MAD1L1: variants seen among roughly 807,000 people sequenced by gnomAD.
MAD1L1 encodes mitotic spindle assembly checkpoint protein MAD1.
A neutral mutation model predicts 96.9 loss-of-function variants in MAD1L1; 95 were observed. The ratio of observed to expected loss-of-function variants is 0.98; its 90% CI spans 0.83 to 1.16. MAD1L1 has a LOEUF of 1.16. Ranked by LOEUF, MAD1L1 falls within the 50% of genes most tolerant of loss-of-function variation. The pLI is 0.00. For missense variants in MAD1L1, 1,007 were observed against 954.4 expected, an observed-to-expected ratio of 1.06 and a Z score of -0.73; for synonymous variants, 473 against 396.6, an observed-to-expected ratio of 1.19 and a Z score of -2.29.
chr7:2,154,368 A>G (rs1789722186), intron 10 of MAD1L1, among the ~76,000 whole-genome samples: 1 of 152,230 alleles, frequency 6.6e-6, no homozygotes, highest in Admixed American at 6.5e-5. Context: ...AAGAGAGTTG[A>G]GTTAATGGGT....
intron 18 of MAD1L1, among the ~76,000 whole-genome samples, chr7:1,892,401 G>T (rs1786604282): frequency 6.6e-6 from 1 of 152,196 alleles, no homozygotes; most frequent in Non-Finnish European, 1.5e-5. Context: ...GGTGAGTGCT[G>T]AGTATCCCTT....
rs62442950 is a variant in MAD1L1, at chr7:1,985,879, G to A, written c.1417-5338C>T. ...CACCGTCTCTTCTTGGAGCGTGTGC[G>A]TTCCGCCCAAGCCTCACAGACTCTA... is the stretch of plus-strand genomic sequence containing the variant. On this transcript the variant is annotated intron_variant, in intron 14 of 18. Transcript: ENST00000265854. Among the ~76,000 whole-genome samples the A allele has an allele frequency of 2.8e-3, 431 of 152,212 alleles. 1 individual carries two copies. Among genetic ancestry groups the A allele is most frequent in the Admixed American group, 5.2e-3 (79 of 15,284 alleles).
intron 12 of MAD1L1, among the ~76,000 whole-genome samples, chr7:2,062,114 C>T (rs1379253029): frequency 6.6e-6 from 1 of 151,778 alleles, no homozygotes; most frequent in Admixed American, 6.6e-5. Context: ...TAGTGACAGG[C>T]ACCTGAAATC....
At chr7:1,958,160 C>A (rs913626276) in intron 15 of MAD1L1, among the ~76,000 whole-genome samples, 1 of 152,188 alleles carries the variant, frequency 6.6e-6, no homozygotes, top group Non-Finnish European at 1.5e-5. Context: ...AGGACTTCTA[C>A]TGCGGGGTGT....
In MAD1L1 at chr7:2,114,909, C is replaced by T. The variant is rs1787583656; in HGVS notation, c.1073+34243G>A. 6.6e-6 allele frequency among the ~76,000 whole-genome samples: 1 copy of T among 152,220 alleles called. No individual in the cohort carries two copies. The highest frequency in any genetic ancestry group is 2.4e-5 in the African/African-American group (1 of 41,454). On this transcript the variant is annotated intron_variant, in intron 11 of 18. Transcript: ENST00000265854. The surrounding 1 kb of genome is among the most constrained non-coding windows in gnomAD (Gnocchi z 4.2). ...ATCTGCTTTGCAAACACAAGGGCCTCGAAGCCCCGCCTTCCGGTGAGCACC... is the reference window on the plus strand; with the variant it reads ...ATCTGCTTTGCAAACACAAGGGCCTTGAAGCCCCGCCTTCCGGTGAGCACC...
chr7:1,831,606 C>T lies in MAD1L1; in HGVS notation c.1999-15378G>A, dbSNP rs144030535. Among the ~76,000 whole-genome samples, 327 of 152,342 alleles carry T rather than the reference C, an allele frequency of 2.1e-3. 4 individuals are homozygous for T. The highest frequency in any genetic ancestry group is 7.4e-3 in the African/African-American group (307 of 41,574). ...CTGAGGCCAAAAGCTAGGTCTCTTG[C>T]ACCACACAGCTAGCCTGCAAAGGAG... On this transcript the variant is annotated intron_variant, in intron 18 of 18. Transcript: ENST00000265854.
chr7:2,166,345 G>A (rs755305557), intron 10 of MAD1L1, among the ~76,000 whole-genome samples: 2 of 152,184 alleles, frequency 1.3e-5, no homozygotes, highest in Non-Finnish European at 2.9e-5. Flanking sequence ...TGCTGCCCTC[G>A]CACTCTTTCT....
chr7:2,057,284 G>A (rs548803738), intron 12 of MAD1L1, among the ~76,000 whole-genome samples: 1 of 152,214 alleles, frequency 6.6e-6, no homozygotes, highest in East Asian at 1.9e-4. Flanking sequence ...CCAGCACGTC[G>A]GGAAGCCAAG....
chr7:2,146,429 G>A lies in MAD1L1; in HGVS notation c.1073+2723C>T, dbSNP rs1466901950. On this transcript the variant is annotated intron_variant, in intron 11 of 18. Transcript: ENST00000265854. The surrounding 1 kb of genome is among the most constrained non-coding windows in gnomAD (Gnocchi z 6.2). ...CTGGGCTACGAGGAACAGGGCAGTG[G>A]AGCCGCACCCTGAGAAGCTCCTCAG... 1.3e-5 allele frequency among the ~76,000 whole-genome samples: 2 copies of A among 152,154 alleles called. No homozygotes were observed. Among genetic ancestry groups the A allele is most frequent in the Non-Finnish European group, 2.9e-5 (2 of 68,032 alleles).
At chr7:2,091,733 G>A (rs369998702) in intron 11 of MAD1L1, among the ~76,000 whole-genome samples, 156 of 149,846 alleles carry the variant, frequency 1.0e-3, no homozygotes, top group African/African-American at 3.7e-3. Flanking sequence ...CAGAGATCAC[G>A]CCACTGCACT....
At chr7:2,172,125 TGGCAGGGAGGACTGCTG>T (rs1318022814) in intron 10 of MAD1L1, among the ~76,000 whole-genome samples, 19 of 152,008 alleles carry the variant, frequency 1.2e-4, no homozygotes, top group African/African-American at 4.6e-4. Flanking sequence ...CCTCAAAGGG[TGGCAGGGAGGACTGCTG>T]GAGTGAAGGC....
rs371339988 is a variant in MAD1L1 at position 2,218,066 on chromosome 7, C to T, written c.597-23G>A. The T allele has an allele frequency of 8.2e-6, 13 of 1,580,342 alleles. No individual in the cohort carries two copies. The African/African-American group carries it at 1.3e-4, about 16-fold the overall frequency. ...TTTCTATTGAAAGAAAAATACATCACACACAGAAACAGGCATGCGGCAAGG... is the reference window on the plus strand; with the variant it reads ...TTTCTATTGAAAGAAAAATACATCATACACAGAAACAGGCATGCGGCAAGG... On this transcript the variant is annotated intron_variant, in intron 6 of 18. Transcript: ENST00000265854.
intron 11 of MAD1L1, among the ~76,000 whole-genome samples, chr7:2,147,415 C>A (rs892812278): frequency 2.6e-5 from 4 of 152,216 alleles, no homozygotes; most frequent in Admixed American, 2.0e-4. Context: ...CCACACAGGG[C>A]AATAAGCCAC....
intron 3 of MAD1L1, among the ~76,000 whole-genome samples, chr7:2,226,159 C>T (rs939513927): frequency 5.9e-5 from 9 of 152,196 alleles, no homozygotes; most frequent in Admixed American, 3.9e-4. Flanking sequence ...TACATCAAGC[C>T]CACCAGGGAG....
chr7:1,953,331 C>T (rs1779583569), intron 16 of MAD1L1, among the ~76,000 whole-genome samples: 1 of 152,202 alleles, frequency 6.6e-6, no homozygotes, highest in South Asian at 2.1e-4. Flanking sequence ...CTTGTCTGGT[C>T]TCTTTCCTGA....
At chr7:1,860,510 T>C (rs1167719470) in intron 18 of MAD1L1, among the ~76,000 whole-genome samples, 16 of 152,168 alleles carry the variant, frequency 1.1e-4, no homozygotes, top group Admixed American at 7.9e-4. Context: ...AGCCTCTGTT[T>C]CCCTAAATGT....
intron 16 of MAD1L1, among the ~76,000 whole-genome samples, chr7:1,957,143 T>G (rs968473856): frequency 2.0e-5 from 3 of 152,200 alleles, no homozygotes; most frequent in African/African-American, 7.2e-5. Context: ...ACCACAGATG[T>G]CACTCCTCCC....
chr7:2,160,709 T>C (rs1790064179), intron 10 of MAD1L1, among the ~76,000 whole-genome samples: 2 of 152,024 alleles, frequency 1.3e-5, no homozygotes, highest in South Asian at 4.2e-4. Flanking sequence ...CTCAGCTCAC[T>C]GGAATCTCCG....
intron 17 of MAD1L1, among the ~76,000 whole-genome samples, chr7:1,899,392 G>A (rs1481864234): frequency 3.3e-5 from 5 of 152,304 alleles, no homozygotes; most frequent in African/African-American, 4.8e-5. Context: ...TGCTCCAGGC[G>A]GGGACGGGAG....
Sources: allele counts gnomAD v4.1 joint callset (sites outside exome capture counted in the v4.1 genomes callset), GRCh38; gene constraint gnomAD v4.1.1; non-coding constraint Gnocchi (gnomAD v3.1); transcripts MANE v1.5; gene names NCBI Gene and HGNC (gene_info 2026-07-23, HGNC 2026-07-21).